The following KRT81 variants were observed in gnomAD, a reference collection of about 807,000 sequenced individuals.
The protein encoded by KRT81 is keratin 81, also known as keratin, type II cuticular Hb1.
A neutral mutation model predicts 35.8 loss-of-function variants in KRT81; 35 were observed. That is an observed-to-expected ratio of 0.98 (90% CI 0.75 to 1.30). The LOEUF (loss-of-function observed/expected upper bound fraction) is 1.30, where lower values mean the gene tolerates loss of function less well. Among genes scored for constraint, KRT81 ranks in the 50% most tolerant of loss-of-function variants. The pLI is 0.00. For missense variants in KRT81, 531 were observed against 577.4 expected (o/e 0.92, Z 0.82); for synonymous variants, 249 against 251.2 (o/e 0.99, Z 0.08).
In KRT81 at chr12:52,287,155, G is replaced by A. The variant is rs763579563; in HGVS notation, c.1194C>T (p.Gly398=). ...EYQEVMNSKL[G]LDIEIATYRR... is the part of the protein sequence containing the mutation. ...TGTAGGTGGCGATCTCGATGTCCAG[G>A]CCCAGCTTGGAGTTCATCACCTCCT... is the stretch of plus-strand genomic sequence containing the variant. The change falls in exon 7 of 9, where the codon GGC becomes GGT. Residue 398 remains glycine (G), a synonymous_variant. Coordinates refer to ENST00000327741, the MANE Select transcript of KRT81 (RefSeq NM_002281.4). 51 of 1,613,536 alleles carry A rather than the reference G, an allele frequency of 3.2e-5. No homozygotes were observed. In the East Asian group the frequency reaches 1.0e-3, roughly 33 times the overall value.
chr12:52,286,847 A>G lies in KRT81; in HGVS notation c.1248-25T>C, dbSNP rs766783392. On this transcript the variant is annotated intron_variant, in intron 7 of 8. Transcript: ENST00000327741. ...CCTGAGGGCAAAAGAGAAAAAGGCA[A>G]CATTAGTGACTGCCCCAGAGTGGCT... 2.7e-5 allele frequency: 44 copies of G among 1,613,174 alleles called. No individual in the cohort carries two copies. In the South Asian group the frequency reaches 4.6e-4, roughly 17 times the overall value.
At chr12:52,288,195 C>A (rs746195447) in intron 4 of KRT81, 47 bp from the exon 5 acceptor site, 5 of 1,598,660 alleles carry the variant, frequency 3.1e-6, no homozygotes, top group Admixed American at 3.4e-5. Context: ...ACAGCCCCAC[C>A]CACCATGTCC....
Position 52,288,712 on chromosome 12 carries a change from C to T in KRT81, c.640-256G>A, listed in dbSNP as rs117072869. Among the ~76,000 whole-genome samples, 330 of 152,202 alleles carry T rather than the reference C, an allele frequency of 2.2e-3. 2 individuals are homozygous for T. The highest frequency in any genetic ancestry group is 4.1e-3 in the Non-Finnish European group (278 of 68,012). The stretch of plus-strand genomic sequence containing the variant: ...CTCCTGTCTCTCCCTTCTCTCATCT[C>T]CTGCTCCAGGAAGCCTGCCCAGACT... On this transcript the variant is annotated intron_variant, in intron 3 of 8. Transcript: ENST00000327741.
At chr12:52,289,312 G>A in intron 2 of KRT81, 37 bp from the exon 3 acceptor site, 1 of 216,538 alleles carries the variant, frequency 4.6e-6, no homozygotes, top group Non-Finnish European at 8.3e-6. Context: ...GGAGGTCAGG[G>A]CAGGGCAGGT....
Position 52,288,387 on chromosome 12 carries a change from C to G in KRT81, c.709G>C (p.Asp237His). Residue 237 changes from aspartate to histidine, a missense_variant, in exon 4 of 9, where the codon GAC (aspartate) becomes CAC (histidine). By Grantham distance (81) the Asp-to-His change is moderately conservative (BLOSUM62 -1). Around this residue, in one of 5 missense-constraint regions of KRT81, gnomAD observed 194 missense variants for 198.2 expected, o/e 0.98. Transcript: ENST00000327741. ...ANVEALIQEI[D>H]FLRRLYEEEI... is the part of the protein sequence containing the mutation. Reference sequence around the variant, plus strand: ...TCCTCATACAGCCGCCTCAGGAAGTCGATCTCCTGGATCAGGGCCTCCACG... The same window carrying G: ...TCCTCATACAGCCGCCTCAGGAAGTGGATCTCCTGGATCAGGGCCTCCACG... 1 of 1,614,150 alleles carries G rather than the reference C, an allele frequency of 6.2e-7. No individual in the cohort carries two copies. Among genetic ancestry groups the G allele is most frequent in the Non-Finnish European group, 8.5e-7 (1 of 1,180,014 alleles).
intron 7 of KRT81, 102 bp downstream of exon 7, chr12:52,287,000 T>G (rs1336966216): frequency 6.2e-7 from 1 of 1,600,044 alleles, no homozygotes; most frequent in Non-Finnish European, 8.5e-7. Flanking sequence ...ATAATAATAT[T>G]TTTTTCCCCC....
At chr12:52,287,530 C>T in intron 6 of KRT81, 66 bp downstream of exon 6, 1 of 1,613,670 alleles carries the variant, frequency 6.2e-7, no homozygotes, top group Non-Finnish European at 8.5e-7. Flanking sequence ...AGGTAGGGCA[C>T]ACATAGGCTG....
In KRT81 at chr12:52,288,049, T is replaced by C. The variant is rs1239401426; in HGVS notation, c.835A>G (p.Lys279Glu). 6.2e-7 allele frequency: 1 copy of C among 1,614,210 alleles called. No individual in the cohort carries two copies. Among genetic ancestry groups the C allele is most frequent in the Non-Finnish European group, 8.5e-7 (1 of 1,180,036 alleles). The change falls in exon 5 of 9, where the codon AAG becomes GAG. Residue 279 changes from lysine to glutamate, a missense_variant. Lys to Glu is a moderately conservative substitution (Grantham distance 56). This residue lies in a region of KRT81 where 194 missense variants were observed against 198.2 expected (regional missense o/e 0.98). Transcript: ENST00000327741. ...GTGACAATGTCGTCATACTGTGCCT[T>C]AATCTCGGCAATGATGCAGTCCATG... The part of the protein sequence containing the change: ...LNMDCIIAEI[K>E]AQYDDIVTRS...
In KRT81 at chr12:52,290,157, C is replaced by T. The variant is rs1938086028; in HGVS notation, c.499G>A (p.Glu167Lys). 1 of 127,968 alleles carries T rather than the reference C, an allele frequency of 7.8e-6. No homozygotes were observed. 7.9% of individuals were successfully genotyped at this position (127,968 alleles called of 1,614,324 possible). ...GYIETLRREA[E>K]CVEADSGRLA... ...CTCCCGCTGTCGGCCTCCACGCACT[C>T]GGCCTCCCGCCGCAGAGTCTCGATG... The change falls in exon 2 of 9, where the codon GAG (glutamate) becomes AAG (lysine). Residue 167 changes from glutamate to lysine, a missense_variant. Physicochemically the swap from Glu to Lys is moderately conservative, Grantham distance 56 (BLOSUM62 1). Transcript: ENST00000327741.
At position 52,287,978 on chromosome 12, in the gene KRT81, A is replaced by C. The variant is rs1206373254; in HGVS notation, c.900+6T>G. Reference sequence around the variant, plus strand: ...GTCTAGCAGGCAGGTGTCCTGTGCCACTCACCTTGCTGCGGTACCAGGACT... The same window carrying C: ...GTCTAGCAGGCAGGTGTCCTGTGCCCCTCACCTTGCTGCGGTACCAGGACT... On this transcript the variant is annotated splice_donor_region_variant and intron_variant, in intron 5 of 8. Coordinates refer to ENST00000327741, the MANE Select transcript of KRT81 (RefSeq NM_002281.4). 16 of 1,614,042 alleles carry C rather than the reference A, an allele frequency of 9.9e-6. No homozygotes were observed. The highest frequency in any genetic ancestry group is 1.3e-5 in the Non-Finnish European group (15 of 1,180,010).
In KRT81 at chr12:52,286,778, C is replaced by A; in HGVS notation, c.1279+13G>T. ...GTTAGTAAATCTGTCCACACTGGAC[C>A]CCAAATACTCACAGACATTCACAGC... On this transcript the variant is annotated intron_variant, in intron 8 of 8. Coordinates refer to ENST00000327741, the MANE Select transcript of KRT81 (RefSeq NM_002281.4). 1 of 1,613,610 alleles carries A rather than the reference C, an allele frequency of 6.2e-7. No individual in the cohort carries two copies. Among genetic ancestry groups the A allele is most frequent in the South Asian group, 1.1e-5 (1 of 91,014 alleles).
chr12:52,287,619 C>T lies in KRT81; in HGVS notation c.1003G>A (p.Glu335Lys), dbSNP rs746507344. Residue 335 changes from glutamate (E) to lysine (K), a missense_variant, in exon 6 of 9, where the codon GAG becomes AAG. By Grantham distance (56) the Glu-to-Lys change is moderately conservative (BLOSUM62 1). Around this residue, in one of 5 missense-constraint regions of KRT81, gnomAD observed 194 missense variants for 198.2 expected, o/e 0.98. Transcript: ENST00000327741. ...ACCTGGCACTTGGCATTCTCCACCT[C>T]GGCCGTCAGCCTTTGGATCATGCGG... ...LNRMIQRLTA[E>K]VENAKCQNSK... 8.1e-6 allele frequency: 13 copies of T among 1,613,822 alleles called. No individual in the cohort carries two copies. Among genetic ancestry groups the T allele is most frequent in the Admixed American group, 3.3e-5 (2 of 59,996 alleles).
Position 52,288,405 on chromosome 12 carries a change from C to T in KRT81, c.691G>A (p.Ala231Thr). Reference protein sequence around the residue: ...RKSDLEANVEALIQEIDFLRR... With the variant: ...RKSDLEANVETLIQEIDFLRR... ...AGGAAGTCGATCTCCTGGATCAGGG[C>T]CTCCACGTTGGCCTCCAGGTCTGAC... The change falls in exon 4 of 9, where the codon GCC becomes ACC. Residue 231 changes from alanine to threonine, a missense_variant. Ala to Thr is a moderately conservative substitution (Grantham distance 58). Transcript: ENST00000327741. 6.2e-7 allele frequency: 1 copy of T among 1,614,174 alleles called. No homozygotes were observed. Among genetic ancestry groups the T allele is most frequent in the South Asian group, 1.1e-5 (1 of 91,080 alleles).
Position 52,286,074 on chromosome 12 carries a change from C to G in KRT81, c.*181G>C, listed in dbSNP as rs1937918532. The G allele has an allele frequency of 3.1e-6, 2 of 643,324 alleles. No individual in the cohort carries two copies. Among genetic ancestry groups the G allele is most frequent in the East Asian group, 5.5e-5 (2 of 36,432 alleles). 39.9% of individuals were successfully genotyped at this position (643,324 alleles called of 1,614,324 possible). A position where few individuals can be genotyped will look rare whatever the true frequency, so the allele number is the denominator to read the frequency against. ...CTTCTTTCTAGGGTGGCCTTTCCCACTGTGGGGTGGCAGAGCCCAGAAGTG... is the reference window on the plus strand; with the variant it reads ...CTTCTTTCTAGGGTGGCCTTTCCCAGTGTGGGGTGGCAGAGCCCAGAAGTG... On this transcript the variant is annotated 3_prime_UTR_variant, in exon 9 of 9. Transcript: ENST00000327741.
At position 52,286,399 on chromosome 12, in the gene KRT81, G is replaced by C. The variant is rs750725979; in HGVS notation, c.1374C>G (p.Asn458Lys). 3 of 1,554,860 alleles carry C rather than the reference G, an allele frequency of 1.9e-6. No homozygotes were observed. The South Asian group carries it at 3.6e-5, about 18-fold the overall frequency. ...GGCCGGTGCTCACCGCCACGTTCCC[G>C]TTGCACGGAGCGCTGCAGACACTGC... ...VTGSVCSAPC[N>K]GNVAVSTGLC... is the part of the protein sequence containing the mutation. Residue 458 changes from asparagine to lysine, a missense_variant, in exon 9 of 9, where the codon AAC (asparagine) becomes AAG (lysine). Coordinates refer to ENST00000327741, the MANE Select transcript of KRT81 (RefSeq NM_002281.4).
Position 52,287,082 on chromosome 12 carries a change from C to T in KRT81, c.1247+20G>A, listed in dbSNP as rs1565740105. 4 of 1,612,732 alleles carry T rather than the reference C, an allele frequency of 2.5e-6. No homozygotes were observed. The highest frequency in any genetic ancestry group is 2.2e-5 in the South Asian group (2 of 91,022). The stretch of plus-strand genomic sequence containing the variant: ...AGGGATGGGGAAGGGTGGTTCTGGG[C>T]CACCCTTGGTTGGACCCACCTCTGC... On this transcript the variant is annotated intron_variant, in intron 7 of 8. Coordinates refer to ENST00000327741, the MANE Select transcript of KRT81 (RefSeq NM_002281.4).
intron 3 of KRT81, 46 bp from the exon 4 acceptor site, chr12:52,288,502 G>A (rs2121243137): frequency 1.2e-6 from 2 of 1,604,614 alleles, no homozygotes; most frequent in Non-Finnish European, 1.7e-6. Flanking sequence ...TGGTGATCCA[G>A]CCCCCAGACT....
Position 52,291,331 on chromosome 12 carries a change from G to GA in KRT81, c.134dup (p.Gly46ArgfsTer111), listed in dbSNP as rs1938113146. The GA allele has an allele frequency of 6.4e-7, 1 of 1,556,824 alleles. No homozygotes were observed. Among genetic ancestry groups the GA allele is most frequent in the Admixed American group, 1.9e-5 (1 of 51,418 alleles). On this transcript the variant is annotated frameshift_variant, in exon 1 of 9. Coordinates refer to ENST00000327741, the MANE Select transcript of KRT81 (RefSeq NM_002281.4). LOFTEE classifies it high-confidence loss of function. ...AGCCTCCGCACACGCTGTGGCTGCC[G>GA]AAGCCCCCGGTGAGGCCGCGGTAGC...
Position 52,287,638 on chromosome 12 carries a change from C to A in KRT81, c.984G>T (p.Met328Ile). 6.2e-7 allele frequency: 1 copy of A among 1,613,922 alleles called. No individual in the cohort carries two copies. ...CCACCTCGGCCGTCAGCCTTTGGATCATGCGGTTCAGCTCATTGATCTCCT... is the reference window on the plus strand; with the variant it reads ...CCACCTCGGCCGTCAGCCTTTGGATAATGCGGTTCAGCTCATTGATCTCCT... ...TKEEINELNR[M>I]IQRLTAEVEN... The change falls in exon 6 of 9, where the codon ATG becomes ATT. Residue 328 changes from methionine (M) to isoleucine (I), a missense_variant. Physicochemically the swap from Met to Ile is conservative, Grantham distance 10. This residue lies in a region of KRT81 where 194 missense variants were observed against 198.2 expected (regional missense o/e 0.98). Coordinates refer to ENST00000327741, the MANE Select transcript of KRT81 (RefSeq NM_002281.4).
Sources: allele counts gnomAD v4.1 joint callset (sites outside exome capture counted in the v4.1 genomes callset), GRCh38; gene constraint gnomAD v4.1.1; regional missense constraint gnomAD v4.1.1; transcripts MANE v1.5; gene names NCBI Gene and HGNC (gene_info 2026-07-23, HGNC 2026-07-21).